JARID2: variants seen among roughly 807,000 people sequenced by gnomAD.
JARID2 encodes jumonji and AT-rich interaction domain containing 2, also known as protein Jumonji.
JARID2 carries 21 observed loss-of-function variants against 125.6 expected under a neutral mutation model. The observed-to-expected ratio is 0.17, with a 90% CI of 0.12 to 0.24. The LOEUF (loss-of-function observed/expected upper bound fraction) is 0.24, where lower values mean the gene tolerates loss of function less well. JARID2 is among the 10% of genes least tolerant of loss of function. JARID2 has a pLI of 1.00. For synonymous variants in JARID2, 736 were observed against 661.6 expected, an observed-to-expected ratio of 1.11 and a Z score of -1.73; for missense variants, 1,303 against 1,639.6, an observed-to-expected ratio of 0.79 and a Z score of 3.55.
chr6:15,451,415 G>T (rs565719142), intron 3 of JARID2, among the ~76,000 whole-genome samples: 1 of 152,288 alleles, frequency 6.6e-6, no homozygotes, highest in Admixed American at 6.5e-5. Context: ...TGGAGGGGGC[G>T]TAGATAGACT....
intron 1 of JARID2, among the ~76,000 whole-genome samples, chr6:15,318,405 C>A (rs554386497): frequency 8.5e-5 from 13 of 152,214 alleles, no homozygotes; most frequent in Admixed American, 5.9e-4. Context: ...ATGAAACAGG[C>A]AGATCTTTGT....
chr6:15,481,507 T>A (rs1239076791), intron 5 of JARID2, among the ~76,000 whole-genome samples: 2 of 152,184 alleles, frequency 1.3e-5, no homozygotes, highest in Non-Finnish European at 2.9e-5. Context: ...ATCTTACAAA[T>A]TAAGACAAAA....
chr6:15,248,916 A>G (rs1759318832), intron 1 of JARID2: 2 of 985,614 alleles, frequency 2.0e-6, no homozygotes, highest in South Asian at 4.7e-5. Context: ...GAGGAGGAAG[A>G]TGCGCTCGGC....
At chr6:15,352,345 T>G (rs1040864058) in intron 1 of JARID2, among the ~76,000 whole-genome samples, 7 of 152,170 alleles carry the variant, frequency 4.6e-5, no homozygotes, top group Non-Finnish European at 1.0e-4. Context: ...TAATGTTACA[T>G]TGTCCTCTGT....
chr6:15,516,392 C>A (rs951999730), intron 16 of JARID2, among the ~76,000 whole-genome samples: 2 of 152,354 alleles, frequency 1.3e-5, no homozygotes, highest in South Asian at 2.1e-4. Flanking sequence ...GTGGCTGTTT[C>A]CTTTCATCCG....
chr6:15,382,420 A>G (rs577918576), intron 2 of JARID2, among the ~76,000 whole-genome samples: 1 of 152,278 alleles, frequency 6.6e-6, no homozygotes, highest in South Asian at 2.1e-4. Flanking sequence ...TTTCTGAGCA[A>G]GACCTTGGGG....
chr6:15,306,328 CTTTTTTTTTTTT>C (rs398000594), intron 1 of JARID2, among the ~76,000 whole-genome samples: 3 of 99,250 alleles, frequency 3.0e-5, no homozygotes, highest in Non-Finnish European at 3.9e-5. Flanking sequence ...AGTCATATTT[CTTTTTTTTTTTT>C]TTTTTTTTTT....
chr6:15,286,574 T>C (rs1203552797), intron 1 of JARID2, among the ~76,000 whole-genome samples: 1 of 151,608 alleles, frequency 6.6e-6, no homozygotes, highest in African/African-American at 2.4e-5. Context: ...GATTGAAATT[T>C]TGCTGGCAGA....
intron 4 of JARID2, among the ~76,000 whole-genome samples, chr6:15,461,183 C>T (rs908472169): frequency 2.6e-5 from 4 of 152,124 alleles, no homozygotes; most frequent in Non-Finnish European, 5.9e-5. Context: ...TTTAAATTGC[C>T]AGTGCAGACA....
intron 3 of JARID2, among the ~76,000 whole-genome samples, chr6:15,436,216 TGTATCA>T (rs1767194458): frequency 6.6e-6 from 1 of 152,208 alleles, no homozygotes; most frequent in Admixed American, 6.5e-5. Flanking sequence ...CTACCCTTGG[TGTATCA>T]GAAGAATCGG....
intron 1 of JARID2, among the ~76,000 whole-genome samples, chr6:15,352,457 A>C (rs185190621): frequency 2.0e-5 from 3 of 152,232 alleles, no homozygotes; most frequent in Non-Finnish European, 4.4e-5. Flanking sequence ...CCAGAGGACC[A>C]CATGACCACA....
At chr6:15,489,136 C>T (rs2127720760) in intron 6 of JARID2, among the ~76,000 whole-genome samples, 1 of 152,358 alleles carries the variant, frequency 6.6e-6, no homozygotes, top group South Asian at 2.1e-4. Context: ...ACAGTGATTA[C>T]ACCATGTGAC....
At chr6:15,284,765 GTGTGAGCC>G (rs1462095981) in intron 1 of JARID2, among the ~76,000 whole-genome samples, 3 of 152,212 alleles carry the variant, frequency 2.0e-5, no homozygotes, top group Non-Finnish European at 4.4e-5. Flanking sequence ...GGGATTACAG[GTGTGAGCC>G]ACTGTGCCTG....
chr6:15,456,417 A>T (rs11962183), intron 4 of JARID2, among the ~76,000 whole-genome samples: 2,129 of 150,690 alleles, frequency 0.014, 49 homozygotes, highest in African/African-American at 0.047. Context: ...AAACAAATTT[A>T]AAAAAATGCT....
intron 1 of JARID2, among the ~76,000 whole-genome samples, chr6:15,269,196 ACCT>A (rs1647778914): frequency 6.6e-6 from 1 of 151,608 alleles, no homozygotes; most frequent in Admixed American, 6.6e-5. Flanking sequence ...CCTCTGTAAA[ACCT>A]CCTAATCTGA....
intron 3 of JARID2, among the ~76,000 whole-genome samples, chr6:15,412,025 T>G (rs942315336): frequency 6.6e-6 from 1 of 152,224 alleles, no homozygotes; most frequent in African/African-American, 2.4e-5. Flanking sequence ...GTCATTTAAC[T>G]GGAATTCTTT....
intron 1 of JARID2, among the ~76,000 whole-genome samples, chr6:15,290,456 C>T (rs895274091): frequency 1.1e-4 from 16 of 152,188 alleles, no homozygotes; most frequent in African/African-American, 3.1e-4. Context: ...AAGAAACTGC[C>T]ACACTTCTCC....
chr6:15,278,584 T>TCAAAAAA (rs1300564976), intron 1 of JARID2, among the ~76,000 whole-genome samples: 1 of 140,608 alleles, frequency 7.1e-6, no homozygotes, highest in East Asian at 2.2e-4. Flanking sequence ...AGACTCCGTC[T>TCAAAAAA]CAAAAAATAA....
chr6:15,308,149 G>A (rs1761899858), intron 1 of JARID2, among the ~76,000 whole-genome samples: 1 of 152,146 alleles, frequency 6.6e-6, no homozygotes, highest in African/African-American at 2.4e-5. Context: ...TCCTTTACCT[G>A]TTTTCTCATT....
Sources: gnomAD v4.1 joint callset for allele counts (sites outside exome capture counted in the v4.1 genomes callset) on GRCh38, gnomAD v4.1.1 for gene constraint, MANE v1.5 for transcripts, NCBI Gene and HGNC (gene_info 2026-07-23, HGNC 2026-07-21) for gene names.